The following GRM1 variants were observed in gnomAD, a reference collection of about 807,000 sequenced individuals.
GRM1 encodes the protein metabotropic glutamate receptor 1.
GRM1 carries 33 observed loss-of-function variants against 90.9 expected under a neutral mutation model. The observed-to-expected ratio is 0.36, with a 90% CI of 0.28 to 0.49. GRM1 has a LOEUF of 0.49. GRM1 is among the 20% of genes least tolerant of loss of function. The pLI, the probability that GRM1 is intolerant of heterozygous loss-of-function variation, is 0.99. For missense variants in GRM1, 1,190 were observed against 1,534.3 expected, an observed-to-expected ratio of 0.78 and a Z score of 3.75; for synonymous variants, 700 against 613.2, an observed-to-expected ratio of 1.14 and a Z score of -2.09.
Position 146,434,297 on chromosome 6 carries a change from C to T in GRM1, c.3086C>T (p.Ser1029Leu), listed in dbSNP as rs764166472. ...QQQQPPPQQKSLMDQLQGVVS... is the reference protein window; with the variant it reads ...QQQQPPPQQKLLMDQLQGVVS... ...CAGCAACCCCCTCCACAGCAGAAAT[C>T]GCTGATGGACCAGCTCCAGGGAGTG... The change falls in exon 8 of 8, where the codon TCG becomes TTG. Residue 1029 changes from serine to leucine, a missense_variant. This residue lies in a region of GRM1 where 400 missense variants were observed against 360.8 expected (regional missense o/e 1.11). Transcript: ENST00000282753. 6.2e-7 allele frequency: 1 copy of T among 1,603,660 alleles called. No individual in the cohort carries two copies. Among genetic ancestry groups the T allele is most frequent in the East Asian group, 2.2e-5 (1 of 44,624 alleles).
intron 5 of GRM1, among the ~76,000 whole-genome samples, chr6:146,384,391 C>G (rs1395322934): frequency 6.6e-6 from 1 of 151,972 alleles, no homozygotes; most frequent in Non-Finnish European, 1.5e-5. Flanking sequence ...TAAGTAAAAG[C>G]TCTTGGAAGG....
intron 7 of GRM1, among the ~76,000 whole-genome samples, chr6:146,425,640 G>C (rs1330037587): frequency 6.6e-6 from 1 of 152,210 alleles, no homozygotes; most frequent in Non-Finnish European, 1.5e-5. Flanking sequence ...CCTGACATGA[G>C]AGATTTCTCC....
intron 1 of GRM1, among the ~76,000 whole-genome samples, chr6:146,099,019 T>C (rs896027197): frequency 4.6e-5 from 7 of 152,184 alleles, no homozygotes; most frequent in African/African-American, 1.7e-4. Flanking sequence ...ACACTTTTCA[T>C]TGAGAAATGT....
intron 1 of GRM1, among the ~76,000 whole-genome samples, chr6:146,043,782 G>GAGATATATATATATATATATATAT: frequency 1.1e-5 from 1 of 89,986 alleles, no homozygotes; most frequent in South Asian, 4.2e-4. Context: ...AGAGTCAGGT[G>GAGATATATATATATATATATATAT]ATATATATAT....
At chr6:146,109,292 G>A (rs1025249445) in intron 1 of GRM1, among the ~76,000 whole-genome samples, 1 of 152,192 alleles carries the variant, frequency 6.6e-6, no homozygotes, top group Admixed American at 6.5e-5. Context: ...GCTGAGTGCA[G>A]TCTAGGGACT....
At chr6:146,036,332 G>A (rs1407868852) in intron 1 of GRM1, among the ~76,000 whole-genome samples, 1 of 151,942 alleles carries the variant, frequency 6.6e-6, no homozygotes, top group Non-Finnish European at 1.5e-5. Context: ...GTTGGAAACA[G>A]CATGTCAGTA....
intron 2 of GRM1, among the ~76,000 whole-genome samples, chr6:146,210,912 G>T (rs1421765588): frequency 6.6e-6 from 1 of 152,060 alleles, no homozygotes; most frequent in African/African-American, 2.4e-5. Flanking sequence ...CAGCAGGAAT[G>T]GGGAGAGACC....
rs539365206 is a variant in GRM1, at chr6:146,345,620, A to C, written c.1187-6630A>C. ...TTGCTTGGGATTCAAAGAGGACCAT[A>C]ATAGCATAAACTTTGAAGCTTTCTT... is the stretch of plus-strand genomic sequence containing the variant. On this transcript the variant is annotated intron_variant, in intron 3 of 7. Coordinates refer to ENST00000282753, the MANE Select transcript of GRM1 (RefSeq NM_001278064.2). Among the ~76,000 whole-genome samples the C allele has an allele frequency of 2.5e-4, 38 of 152,348 alleles. No individual in the cohort carries two copies. In the East Asian group the frequency reaches 7.1e-3, roughly 29 times the overall value.
chr6:146,112,880 G>A (rs1435564802), intron 1 of GRM1, among the ~76,000 whole-genome samples: 5 of 152,178 alleles, frequency 3.3e-5, no homozygotes, highest in Middle Eastern at 3.4e-3. Flanking sequence ...TAGCTTGAGC[G>A]TCAACACACA....
intron 2 of GRM1, among the ~76,000 whole-genome samples, chr6:146,237,074 G>C (rs6933809): frequency 0.11 from 16,851 of 152,100 alleles, 1,835 homozygotes; most frequent in African/African-American, 0.28. Flanking sequence ...TCAGAGGCTA[G>C]TGTGCTCTTT....
At chr6:146,134,029 T>C (rs1410442542) in intron 1 of GRM1, among the ~76,000 whole-genome samples, 1 of 152,258 alleles carries the variant, frequency 6.6e-6, no homozygotes, top group African/African-American at 2.4e-5. Flanking sequence ...TACTGGCTTG[T>C]ATTCTTGGCA....
At chr6:146,423,950 T>G (rs1309221859) in intron 7 of GRM1, among the ~76,000 whole-genome samples, 1 of 152,194 alleles carries the variant, frequency 6.6e-6, no homozygotes, top group Non-Finnish European at 1.5e-5. Context: ...TAGTGCTGTG[T>G]TCCCTTGTGT....
chr6:146,415,164 G>A (rs1288834019), intron 7 of GRM1, among the ~76,000 whole-genome samples: 2 of 152,186 alleles, frequency 1.3e-5, no homozygotes, highest in African/African-American at 2.4e-5. Flanking sequence ...AGGTTCTGGT[G>A]AGGGCCCTCT....
chr6:146,029,616 G>T lies in GRM1; in HGVS notation c.99G>T (p.Ser33=), dbSNP rs745816913. The T allele has an allele frequency of 6.2e-7, 1 of 1,614,116 alleles. No homozygotes were observed. The highest frequency in any genetic ancestry group is 1.7e-5 in the Admixed American group (1 of 60,024). The part of the protein sequence containing the change: ...PGRKVLLAGA[S]SQRSVARMDG... Reference sequence around the variant, plus strand: ...GGAAAGTGTTGCTGGCAGGAGCGTCGTCTCAGCGCTCGGTGGCCAGAATGG... The same window carrying T: ...GGAAAGTGTTGCTGGCAGGAGCGTCTTCTCAGCGCTCGGTGGCCAGAATGG... The change falls in exon 1 of 8, where the codon TCG becomes TCT. Residue 33 remains serine, a synonymous_variant. Transcript: ENST00000282753.
rs1776735613 is a variant in GRM1 at position 146,138,995 on chromosome 6, T to C, written c.701-20353T>C. 2.6e-5 allele frequency among the ~76,000 whole-genome samples: 4 copies of C among 152,128 alleles called. No homozygotes were observed. In the South Asian group the frequency reaches 6.2e-4, roughly 24 times the overall value. On this transcript the variant is annotated intron_variant, in intron 1 of 7. Transcript: ENST00000282753. Reference sequence around the variant, plus strand: ...AATTTCCTCTTAATACTGCTTTTGTTGTATCCCATAGGTTTTGGTATGTTG... The same window carrying C: ...AATTTCCTCTTAATACTGCTTTTGTCGTATCCCATAGGTTTTGGTATGTTG...
At chr6:146,426,698 G>T in intron 7 of GRM1, 1 of 845,094 alleles carries the variant, frequency 1.2e-6, no homozygotes. Context: ...TCTCTCTCCT[G>T]GGTTTTTCCA....
At chr6:146,104,440 A>T (rs1016181048) in intron 1 of GRM1, among the ~76,000 whole-genome samples, 83 of 151,678 alleles carry the variant, frequency 5.5e-4, no homozygotes, top group Non-Finnish European at 1.1e-3. Context: ...ACTCCGTCTC[A>T]AAAAAAAGAA....
chr6:146,289,342 A>T (rs1782893689), intron 2 of GRM1, among the ~76,000 whole-genome samples: 1 of 152,194 alleles, frequency 6.6e-6, no homozygotes, highest in Admixed American at 6.5e-5. Flanking sequence ...AAAGATTAAA[A>T]AGTTTAAAAA....
chr6:146,240,626 C>A lies in GRM1; in HGVS notation c.951-63985C>A, dbSNP rs909140672. ...AGAGAAGGAGGATGCCCATCCAAAG[C>A]AATTCTAAGGGTCAATCTTTGGTGA... On this transcript the variant is annotated intron_variant, in intron 2 of 7. Transcript: ENST00000282753. 3.3e-5 allele frequency among the ~76,000 whole-genome samples: 5 copies of A among 152,186 alleles called. No individual in the cohort carries two copies. In the East Asian group the frequency reaches 9.7e-4, roughly 29 times the overall value.
Sources: gnomAD v4.1 joint callset for allele counts (sites outside exome capture counted in the v4.1 genomes callset) on GRCh38, gnomAD v4.1.1 for gene constraint, gnomAD v4.1.1 regional missense constraint, MANE v1.5 for transcripts, NCBI Gene and HGNC (gene_info 2026-07-23, HGNC 2026-07-21) for gene names.